The following C4orf33 variants were observed in gnomAD, a reference collection of about 807,000 sequenced individuals.
The protein encoded by C4orf33 is UPF0462 protein C4orf33.
In C4orf33, 20 loss-of-function variants were observed where a neutral mutation model predicts 24.3. The ratio of observed to expected loss-of-function variants is 0.82; its 90% confidence interval spans 0.58 to 1.19. C4orf33 has a LOEUF of 1.19. Ranked by LOEUF, C4orf33 falls within the 50% of genes most tolerant of loss-of-function variation. C4orf33 has a pLI of 0.00. For synonymous variants in C4orf33, 67 were observed against 76.4 expected, an observed-to-expected ratio of 0.88 and a Z score of 0.64; for missense variants, 207 against 225.9, an observed-to-expected ratio of 0.92 and a Z score of 0.54.
In C4orf33 at chr4:129,115,850, T is replaced by C. The variant is rs563766565; in HGVS notation, c.*4059T>C. 1.4e-5 allele frequency: 2 copies of C among 138,786 alleles called. No homozygotes were observed. Among genetic ancestry groups the C allele is most frequent in the Non-Finnish European group, 3.1e-5 (2 of 63,574 alleles). The allele number at this position is 138,786 out of a possible 1,614,324, so 8.6% of individuals were successfully genotyped here. On this transcript the variant is annotated 3_prime_UTR_variant, in exon 6 of 6. Transcript: ENST00000425929. ...TATATAAAATATATATGTTTATATA[T>C]AACATATATATATAGAGAGAGAGCA...
upstream of C4orf33, among the ~76,000 whole-genome samples, chr4:129,094,996 C>A (rs1200300652): frequency 6.6e-6 from 1 of 152,086 alleles, no homozygotes; most frequent in Non-Finnish European, 1.5e-5. Context: ...GAAGCAAATA[C>A]CTTCTGGCTA....
chr4:129,094,279 A>T (rs1366202943), upstream of C4orf33, among the ~76,000 whole-genome samples: 1 of 149,516 alleles, frequency 6.7e-6, no homozygotes, highest in Non-Finnish European at 1.5e-5. Context: ...TTGAAAATTA[A>T]TTTTGTCTGG....
At chr4:129,107,157 T>C (rs1234155504) in intron 3 of C4orf33, among the ~76,000 whole-genome samples, 4 of 151,982 alleles carry the variant, frequency 2.6e-5, no homozygotes, top group African/African-American at 7.2e-5. Context: ...ATCATGCATT[T>C]ATTAAGTATA....
At chr4:129,108,507 T>C (rs965700790) in intron 3 of C4orf33, among the ~76,000 whole-genome samples, 1 of 152,240 alleles carries the variant, frequency 6.6e-6, no homozygotes, top group African/African-American at 2.4e-5. Flanking sequence ...TTAAAATCTT[T>C]AGCCTGTTGA....
chr4:129,115,473 T>C lies in C4orf33; in HGVS notation c.*3682T>C, dbSNP rs1280653946. ...CCTGGAAGTTTGAGGGAATTGACAATAGGGACAGGATTCAGTGGATAAATA... is the reference window on the plus strand; with the variant it reads ...CCTGGAAGTTTGAGGGAATTGACAACAGGGACAGGATTCAGTGGATAAATA... On this transcript the variant is annotated 3_prime_UTR_variant, in exon 6 of 6. Transcript: ENST00000425929. 1 of 152,168 alleles carries C rather than the reference T, an allele frequency of 6.6e-6. No homozygotes were observed. The highest frequency in any genetic ancestry group is 1.5e-5 in the Non-Finnish European group (1 of 68,050). 9.4% of individuals were successfully genotyped at this position (152,168 alleles called of 1,614,324 possible).
At chr4:129,097,135 C>T (rs373169787) in intron 1 of C4orf33, among the ~76,000 whole-genome samples, 5 of 152,174 alleles carry the variant, frequency 3.3e-5, no homozygotes, top group African/African-American at 1.2e-4. Flanking sequence ...TCTCGATCTC[C>T]TGACCTTGTG....
chr4:129,097,069 C>A (rs1200177506), intron 1 of C4orf33, among the ~76,000 whole-genome samples: 3 of 152,086 alleles, frequency 2.0e-5, no homozygotes, highest in Non-Finnish European at 4.4e-5. Flanking sequence ...CCACCACGCC[C>A]AGCTAATTTT....
upstream of C4orf33, among the ~76,000 whole-genome samples, chr4:129,094,393 T>C (rs144047804): frequency 1.8e-4 from 28 of 152,308 alleles, 1 homozygote; most frequent in African/African-American, 6.3e-4. Context: ...TTTGTGCTTT[T>C]AATAAATTGT....
upstream of C4orf33, among the ~76,000 whole-genome samples, chr4:129,095,782 T>C (rs1359285256): frequency 6.6e-6 from 1 of 152,340 alleles, no homozygotes; most frequent in African/African-American, 2.4e-5. Context: ...AATTGTTAAC[T>C]GCTATGAACA....
chr4:129,108,393 A>G (rs1408277736), intron 3 of C4orf33, among the ~76,000 whole-genome samples: 1 of 152,180 alleles, frequency 6.6e-6, no homozygotes, highest in Non-Finnish European at 1.5e-5. Context: ...TGGAAAATAT[A>G]CTGTGTTCCT....
At chr4:129,094,185 T>C (rs1753097787), upstream of C4orf33, among the ~76,000 whole-genome samples, 1 of 152,162 alleles carries the variant, frequency 6.6e-6, no homozygotes, top group Non-Finnish European at 1.5e-5. Flanking sequence ...TTTCCTCAAA[T>C]ATAAGGAAAG....
chr4:129,109,843 G>C, intron 5 of C4orf33, 171 bp downstream of exon 5: 2 of 944,586 alleles, frequency 2.1e-6, no homozygotes, highest in Non-Finnish European at 3.0e-6. Flanking sequence ...GAAAACTTTG[G>C]ACTGTCATAA....
At position 129,113,695 on chromosome 4, in the gene C4orf33, A is replaced by C. The variant is rs539796954; in HGVS notation, c.*1904A>C. On this transcript the variant is annotated 3_prime_UTR_variant, in exon 6 of 6. Coordinates refer to ENST00000425929, the MANE Select transcript of C4orf33 (RefSeq NM_001099783.2). ...CCAGCTCCAGGAAAGTGTAAGTCACAGTCTGAAGGGAAATGTGCTTTTTAT... is the reference window on the plus strand; with the variant it reads ...CCAGCTCCAGGAAAGTGTAAGTCACCGTCTGAAGGGAAATGTGCTTTTTAT... 18 of 152,324 alleles carry C rather than the reference A, an allele frequency of 1.2e-4. No individual in the cohort carries two copies. Among genetic ancestry groups the C allele is most frequent in the African/African-American group, 4.3e-4 (18 of 41,574 alleles). The allele number at this position is 152,324 out of a possible 1,614,324, so 9.4% of individuals were successfully genotyped here.
In C4orf33 at chr4:129,111,753, G is replaced by A. The variant is rs1753697151; in HGVS notation, c.562G>A (p.Glu188Lys). The A allele has an allele frequency of 4.3e-6, 7 of 1,612,142 alleles. No homozygotes were observed. In the African/African-American group the frequency reaches 8.0e-5, roughly 18 times the overall value. The change falls in exon 6 of 6, where the codon GAA becomes AAA. Residue 188 changes from glutamate to lysine, a missense_variant. Coordinates refer to ENST00000425929, the MANE Select transcript of C4orf33 (RefSeq NM_001099783.2). ...GCTTGGAGAAGAGTGGAAACAACCGGAATCAGACCTGTGGCTAATAGAGAA... is the reference window on the plus strand; with the variant it reads ...GCTTGGAGAAGAGTGGAAACAACCGAAATCAGACCTGTGGCTAATAGAGAA... ...TLLGEEWKQP[E>K]SDLWLIEKCD...
rs73848914 is a variant in C4orf33 at position 129,107,391 on chromosome 4, A to G, written c.242+744A>G. On this transcript the variant is annotated intron_variant, in intron 3 of 5. Transcript: ENST00000425929. ...AAAATTAATAAAGTATTTAATAATG[A>G]AATATTTCTTTATATTGCAGTTATT... is the stretch of plus-strand genomic sequence containing the variant. 5.8e-3 allele frequency among the ~76,000 whole-genome samples: 884 copies of G among 152,122 alleles called. 7 individuals carry two copies. The highest frequency in any genetic ancestry group is 0.02 in the African/African-American group (839 of 41,548).
At chr4:129,107,376 A>G (rs910428592) in intron 3 of C4orf33, among the ~76,000 whole-genome samples, 4 of 151,978 alleles carry the variant, frequency 2.6e-5, no homozygotes, top group Non-Finnish European at 5.9e-5. Context: ...AAAATTAATA[A>G]AGTATTTAAT....
At chr4:129,095,643 C>T (rs908274596), upstream of C4orf33, among the ~76,000 whole-genome samples, 5 of 152,120 alleles carry the variant, frequency 3.3e-5, no homozygotes, top group African/African-American at 1.2e-4. Flanking sequence ...ACATTGAGCA[C>T]CCAGTACTAT....
upstream of C4orf33, among the ~76,000 whole-genome samples, chr4:129,094,956 T>C (rs1753142614): frequency 6.6e-6 from 1 of 152,180 alleles, no homozygotes; most frequent in Admixed American, 6.5e-5. Context: ...AATTATAGAC[T>C]TAACTCTACG....
At chr4:129,097,401 T>C (rs535526049) in intron 1 of C4orf33, among the ~76,000 whole-genome samples, 16 of 152,322 alleles carry the variant, frequency 1.1e-4, no homozygotes, top group Admixed American at 3.9e-4. Flanking sequence ...CCTGAGATAG[T>C]GTATGCCTCA....
Sources: allele counts gnomAD v4.1 joint callset (sites outside exome capture counted in the v4.1 genomes callset), GRCh38; gene constraint gnomAD v4.1.1; transcripts MANE v1.5; gene names NCBI Gene and HGNC (gene_info 2026-07-23, HGNC 2026-07-21).